The following MARCHF1 variants were observed in gnomAD, a reference collection of about 807,000 sequenced individuals.
MARCHF1 encodes the protein membrane associated ring-CH-type finger 1.
In MARCHF1, 40 loss-of-function variants were observed where a neutral mutation model predicts 54.2. That is an observed-to-expected ratio of 0.74 (90% confidence interval 0.57 to 0.96). The LOEUF (loss-of-function observed/expected upper bound fraction) is 0.96. Among genes scored for constraint, MARCHF1 ranks in the 40% least tolerant of loss-of-function variants. The pLI is 0.00. For synonymous variants in MARCHF1, 236 were observed against 236.3 expected (o/e 1.00, Z 0.01); for missense variants, 586 against 656.5 (o/e 0.89, Z 1.17).
At chr4:164,015,092 G>T (rs1424168734) in intron 2 of MARCHF1, among the ~76,000 whole-genome samples, 1 of 152,086 alleles carries the variant, frequency 6.6e-6, no homozygotes, top group Non-Finnish European at 1.5e-5. Context: ...CAAGGTACTA[G>T]CATAAAAACA....
At chr4:163,845,889 T>G (rs2111146077) in intron 4 of MARCHF1, among the ~76,000 whole-genome samples, 1 of 152,322 alleles carries the variant, frequency 6.6e-6, no homozygotes, top group Non-Finnish European at 1.5e-5. Flanking sequence ...CCTCATGGTG[T>G]GAAGTTTAAA....
chr4:164,324,457 C>A (rs774573322), intron 1 of MARCHF1, among the ~76,000 whole-genome samples: 1 of 151,288 alleles, frequency 6.6e-6, no homozygotes, highest in Non-Finnish European at 1.5e-5. Context: ...GTATAAATCA[C>A]GAAAAAGAAT....
chr4:164,023,713 C>G (rs116681648), intron 2 of MARCHF1, among the ~76,000 whole-genome samples: 7 of 152,084 alleles, frequency 4.6e-5, no homozygotes, highest in Non-Finnish European at 1.0e-4. Flanking sequence ...CCACTAGCTT[C>G]CCAGCAGTAG....
intron 3 of MARCHF1, among the ~76,000 whole-genome samples, chr4:163,912,726 A>G (rs1234496362): frequency 6.6e-6 from 1 of 152,198 alleles, no homozygotes; most frequent in African/African-American, 2.4e-5. Flanking sequence ...AAACAATCAT[A>G]TACCGTGGCT....
chr4:164,327,886 C>T (rs1285053714), intron 1 of MARCHF1, among the ~76,000 whole-genome samples: 2 of 152,168 alleles, frequency 1.3e-5, no homozygotes, highest in East Asian at 1.9e-4. Context: ...AACAGATTGG[C>T]AGGAAAGTCC....
chr4:163,969,400 C>A (rs939324791), intron 3 of MARCHF1, among the ~76,000 whole-genome samples: 3 of 152,090 alleles, frequency 2.0e-5, no homozygotes, highest in African/African-American at 7.2e-5. Context: ...AGATCCTTGT[C>A]AGTGTGGTGA....
chr4:163,919,601 G>T (rs1218475482), intron 3 of MARCHF1, among the ~76,000 whole-genome samples: 1 of 151,832 alleles, frequency 6.6e-6, no homozygotes, highest in Non-Finnish European at 1.5e-5. Context: ...AATTTTAAAA[G>T]ATACATTTTA....
intron 3 of MARCHF1, among the ~76,000 whole-genome samples, chr4:163,883,659 G>T (rs1057087487): frequency 6.6e-6 from 1 of 152,132 alleles, no homozygotes; most frequent in Non-Finnish European, 1.5e-5. Context: ...AAACTTCAAA[G>T]AAAATTTTTT....
intron 4 of MARCHF1, among the ~76,000 whole-genome samples, chr4:163,794,036 T>A (rs577086828): frequency 8.5e-5 from 13 of 152,354 alleles, no homozygotes; most frequent in African/African-American, 3.1e-4. Flanking sequence ...ATTTTCTTTC[T>A]AAGTACTTTT....
intron 2 of MARCHF1, among the ~76,000 whole-genome samples, chr4:164,056,778 G>C (rs1475014857): frequency 6.6e-6 from 1 of 152,072 alleles, no homozygotes; most frequent in African/African-American, 2.4e-5. Context: ...TATTTGAATT[G>C]GTCTTAGCTA....
At chr4:164,344,226 G>A (rs922761460) in intron 1 of MARCHF1, among the ~76,000 whole-genome samples, 1 of 152,140 alleles carries the variant, frequency 6.6e-6, no homozygotes, top group African/African-American at 2.4e-5. Flanking sequence ...CCTACTTGAG[G>A]GTGGAGGGAA....
At chr4:163,646,275 A>ATAC (rs1460178980) in intron 5 of MARCHF1, among the ~76,000 whole-genome samples, 4 of 150,298 alleles carry the variant, frequency 2.7e-5, no homozygotes, top group African/African-American at 7.5e-5. Flanking sequence ...GCAACCAAGC[A>ATAC]TACTATACTC....
At chr4:163,947,215 T>C (rs1752042217) in intron 3 of MARCHF1, among the ~76,000 whole-genome samples, 1 of 152,188 alleles carries the variant, frequency 6.6e-6, no homozygotes, top group South Asian at 2.1e-4. Flanking sequence ...GTTACAAATA[T>C]ATTGTCTAAA....
chr4:163,712,187 T>C (rs1395329827), intron 4 of MARCHF1, among the ~76,000 whole-genome samples: 1 of 152,210 alleles, frequency 6.6e-6, no homozygotes. Context: ...TCCTGCATGC[T>C]ATTAAAAGCA....
chr4:163,543,285 T>C (rs1040727892), intron 9 of MARCHF1, among the ~76,000 whole-genome samples: 1 of 151,936 alleles, frequency 6.6e-6, no homozygotes, highest in African/African-American at 2.4e-5. Context: ...ACATGGATGG[T>C]AGCCATAGGG....
At chr4:164,358,252 C>A (rs1730619821) in intron 1 of MARCHF1, among the ~76,000 whole-genome samples, 1 of 152,146 alleles carries the variant, frequency 6.6e-6, no homozygotes, top group South Asian at 2.1e-4. Flanking sequence ...GAGGCCACAG[C>A]ATCCTCTTGG....
intron 3 of MARCHF1, among the ~76,000 whole-genome samples, chr4:163,962,759 T>C (rs1046391841): frequency 5.9e-5 from 9 of 151,936 alleles, no homozygotes; most frequent in African/African-American, 1.9e-4. Flanking sequence ...GAATTTAGTA[T>C]AAATTCAAAT....
At chr4:163,546,534 A>C (rs562411731) in intron 8 of MARCHF1, among the ~76,000 whole-genome samples, 10 of 152,188 alleles carry the variant, frequency 6.6e-5, no homozygotes, top group South Asian at 4.1e-4. Flanking sequence ...TACATTCTTG[A>C]ATGTATAAAT....
At chr4:163,852,201 T>C (rs948036823) in intron 4 of MARCHF1, among the ~76,000 whole-genome samples, 1 of 152,122 alleles carries the variant, frequency 6.6e-6, no homozygotes, top group African/African-American at 2.4e-5. Context: ...TATTATTTAC[T>C]AGATAAGTGG....
Sources: allele counts gnomAD v4.1 joint callset (sites outside exome capture counted in the v4.1 genomes callset), GRCh38; gene constraint gnomAD v4.1.1; transcripts MANE v1.5; gene names NCBI Gene and HGNC (gene_info 2026-07-23, HGNC 2026-07-21).